SMAP1: variants seen among roughly 807,000 people sequenced by gnomAD.
SMAP1 encodes stromal membrane-associated protein 1.
A neutral mutation model predicts 58.5 loss-of-function variants in SMAP1; 24 were observed. The ratio of observed to expected loss-of-function variants is 0.41; its 90% CI spans 0.30 to 0.58. SMAP1 has a LOEUF of 0.58. Among genes scored for constraint, SMAP1 ranks in the 20% least tolerant of loss-of-function variants. The pLI is 0.29. For synonymous variants in SMAP1, 216 were observed against 196.6 expected, an observed-to-expected ratio of 1.10 and a Z score of -0.82; for missense variants, 563 against 566.3, an observed-to-expected ratio of 0.99 and a Z score of 0.06.
At chr6:70,767,253 C>G (rs1299526374) in intron 3 of SMAP1, among the ~76,000 whole-genome samples, 1 of 151,228 alleles carries the variant, frequency 6.6e-6, no homozygotes, top group Admixed American at 6.6e-5. Flanking sequence ...TCCATATGAA[C>G]TTTAAAGTAG....
At chr6:70,848,421 T>G (rs754605651) in intron 7 of SMAP1, among the ~76,000 whole-genome samples, 23 of 152,236 alleles carry the variant, frequency 1.5e-4, no homozygotes, top group Non-Finnish European at 2.5e-4. Flanking sequence ...TTAAAGTTGT[T>G]TTTTAATTTT....
In SMAP1 at chr6:70,740,562, AT is replaced by A. The variant is rs200459335; in HGVS notation, c.252+8053del. Among the ~76,000 whole-genome samples the A allele has an allele frequency of 6.4e-3, 954 of 150,084 alleles. 6 individuals carry two copies. The highest frequency in any genetic ancestry group is 0.022 in the African/African-American group (912 of 40,992). ...TTTTATCTGGACCATCTCCTTTTGT[AT>A]TATCTCTGTTATACCTGTCCTGCTC... is the stretch of plus-strand genomic sequence containing the variant. On this transcript the variant is annotated intron_variant, in intron 2 of 10. Transcript: ENST00000370455.
chr6:70,688,155 A>G (rs1034081859), intron 1 of SMAP1, among the ~76,000 whole-genome samples: 2 of 152,176 alleles, frequency 1.3e-5, no homozygotes, highest in South Asian at 4.1e-4. Context: ...TTTTTATTAA[A>G]TAGAATTTTG....
In SMAP1 at chr6:70,861,837, C is replaced by CAGTT; in HGVS notation, c.*1505_*1508dup. 6 of 1,614,034 alleles carry CAGTT rather than the reference C, an allele frequency of 3.7e-6. No individual in the cohort carries two copies. The highest frequency in any genetic ancestry group is 5.1e-6 in the Non-Finnish European group (6 of 1,179,974). ...CACAAGTGTAATGAATACCTTAGTG[C>CAGTT]AGTTATTTGCTTTCGGTTCCAGTTC... On this transcript the variant is annotated 3_prime_UTR_variant, in exon 11 of 11. Transcript: ENST00000370455.
chr6:70,784,891 C>G (rs987382745), intron 4 of SMAP1, among the ~76,000 whole-genome samples: 1 of 152,118 alleles, frequency 6.6e-6, no homozygotes, highest in Non-Finnish European at 1.5e-5. Context: ...TTAGACAGAT[C>G]AACGAGACAG....
At chr6:70,787,957 C>G (rs958200296) in intron 4 of SMAP1, among the ~76,000 whole-genome samples, 2 of 152,026 alleles carry the variant, frequency 1.3e-5, no homozygotes, top group African/African-American at 4.8e-5. Context: ...TGGGTATATA[C>G]CCAAAGGACT....
chr6:70,707,752 C>T (rs1179407158), intron 1 of SMAP1, among the ~76,000 whole-genome samples: 1 of 152,134 alleles, frequency 6.6e-6, no homozygotes, highest in East Asian at 1.9e-4. Flanking sequence ...ACTACAGGCG[C>T]ATGCCACCAC....
intron 3 of SMAP1, among the ~76,000 whole-genome samples, chr6:70,758,302 T>C (rs995028655): frequency 5.4e-5 from 8 of 147,058 alleles, no homozygotes; most frequent in African/African-American, 7.5e-5. Flanking sequence ...TTCTCACTTA[T>C]AGGTGGGAAC....
chr6:70,694,586 C>T (rs1242881722), intron 1 of SMAP1: 1 of 152,676 alleles, frequency 6.5e-6, no homozygotes, highest in Non-Finnish European at 1.5e-5. Context: ...TGTTGGCTCT[C>T]ACTTCCTTGG....
At chr6:70,702,541 A>C (rs551471342) in intron 1 of SMAP1, among the ~76,000 whole-genome samples, 1 of 152,120 alleles carries the variant, frequency 6.6e-6, no homozygotes, top group African/African-American at 2.4e-5. Flanking sequence ...CATCTTATAG[A>C]AGTTTGATTT....
intron 1 of SMAP1, among the ~76,000 whole-genome samples, chr6:70,698,742 G>A (rs181307225): frequency 7.7e-6 from 1 of 129,540 alleles, no homozygotes; most frequent in East Asian, 2.0e-4. Flanking sequence ...TTGATTTTTA[G>A]TTATTTCAAT....
At chr6:70,737,236 G>C (rs1290072539) in intron 2 of SMAP1, among the ~76,000 whole-genome samples, 1 of 152,148 alleles carries the variant, frequency 6.6e-6, no homozygotes, top group African/African-American at 2.4e-5. Context: ...TCACCTCCTG[G>C]GTTCAAGTGA....
intron 1 of SMAP1, among the ~76,000 whole-genome samples, chr6:70,675,564 T>C (rs2128549155): frequency 6.6e-6 from 1 of 151,016 alleles, no homozygotes; most frequent in South Asian, 2.1e-4. Context: ...GACAGGAGAA[T>C]CACTTGAAAC....
intron 1 of SMAP1, among the ~76,000 whole-genome samples, chr6:70,718,979 G>A (rs1273133487): frequency 6.6e-6 from 1 of 152,032 alleles, no homozygotes; most frequent in Non-Finnish European, 1.5e-5. Flanking sequence ...ACCTTAAAAA[G>A]ATTATTATAA....
chr6:70,804,166 G>A (rs890966998), intron 6 of SMAP1, among the ~76,000 whole-genome samples: 6 of 152,116 alleles, frequency 3.9e-5, no homozygotes, highest in African/African-American at 1.4e-4. Flanking sequence ...ATGAATCTGG[G>A]TGCTCCTGTA....
At chr6:70,827,915 C>T (rs1333313148) in intron 6 of SMAP1, among the ~76,000 whole-genome samples, 1 of 152,034 alleles carries the variant, frequency 6.6e-6, no homozygotes, top group East Asian at 1.9e-4. Context: ...AAAAAGAGTA[C>T]TCTATGTGTT....
At chr6:70,806,181 G>A (rs1056990483) in intron 6 of SMAP1, among the ~76,000 whole-genome samples, 20 of 152,198 alleles carry the variant, frequency 1.3e-4, no homozygotes, top group African/African-American at 4.6e-4. Flanking sequence ...GAGCTTCCCA[G>A]CCACTTTGTT....
intron 1 of SMAP1, among the ~76,000 whole-genome samples, chr6:70,714,494 C>G (rs915610403): frequency 6.6e-6 from 1 of 151,902 alleles, no homozygotes; most frequent in Non-Finnish European, 1.5e-5. Context: ...ACCTTTCTTA[C>G]CCTCAAATTA....
Position 70,860,331 on chromosome 6 carries a change from A to C in SMAP1, c.1401A>C (p.Lys467Asn). The C allele has an allele frequency of 6.2e-7, 1 of 1,605,304 alleles. No homozygotes were observed. Among genetic ancestry groups the C allele is most frequent in the Non-Finnish European group, 8.5e-7 (1 of 1,177,234 alleles). ...AGACTCTCAGCACACAACTGTGGAA[A>C]TGAAAACTGCAATACAAGTTTCATC... ...SGQTLSTQLW[K>N] Residue 467 changes from lysine to asparagine, a missense_variant, in exon 11 of 11, where the codon AAA (lysine) becomes AAC (asparagine). Lys to Asn is a moderately conservative substitution (Grantham distance 94). Coordinates refer to ENST00000370455, the MANE Select transcript of SMAP1 (RefSeq NM_001044305.3).
Sources: allele counts gnomAD v4.1 joint callset (sites outside exome capture counted in the v4.1 genomes callset), GRCh38; gene constraint gnomAD v4.1.1; transcripts MANE v1.5; gene names NCBI Gene and HGNC (gene_info 2026-07-23, HGNC 2026-07-21).